DACH2: variants seen among roughly 807,000 people sequenced by gnomAD.
DACH2 encodes dachshund family transcription factor 2, also known as dachshund homolog 2.
Under a neutral mutation model 35.8 loss-of-function variants are expected in DACH2, and 17 were observed. The observed-to-expected ratio is 0.48, with a 90% CI of 0.33 to 0.71. The LOEUF (loss-of-function observed/expected upper bound fraction) is 0.71, where lower values mean the gene tolerates loss of function less well. Among genes scored for constraint, DACH2 ranks in the 30% least tolerant of loss-of-function variants. The probability of loss-of-function intolerance (pLI) is 0.02; values close to 1 mark genes in which losing one functional copy is unlikely to be tolerated. For synonymous variants in DACH2, 195 were observed against 177.3 expected, an observed-to-expected ratio of 1.10 and a Z score of -0.79; for missense variants, 469 against 472.7, an observed-to-expected ratio of 0.99 and a Z score of 0.07.
chrX:86,454,375 A>C (rs934117307), intron 2 of DACH2, among the ~76,000 whole-genome samples: 1 of 111,431 alleles, frequency 9.0e-6, no homozygotes, highest in African/African-American at 3.3e-5. Flanking sequence ...TATGTTTTCC[A>C]ATTTGCTTCC....
intron 7 of DACH2, among the ~76,000 whole-genome samples, chrX:86,772,865 G>A (rs2041999468): frequency 9.0e-6 from 1 of 110,618 alleles, no homozygotes; most frequent in Admixed American, 9.7e-5. Context: ...AGCCCCTTGA[G>A]GACAGTTTTT....
chrX:86,287,831 A>G (rs2147992917), intron 1 of DACH2, among the ~76,000 whole-genome samples: 1 of 112,158 alleles, frequency 8.9e-6, no homozygotes, highest in East Asian at 2.8e-4. Flanking sequence ...CAAAACAGCT[A>G]TTTTGAATTC....
chrX:86,802,604 C>A (rs1348682127), intron 7 of DACH2, among the ~76,000 whole-genome samples: 2 of 108,283 alleles, frequency 1.8e-5, no homozygotes, highest in Non-Finnish European at 3.8e-5. Context: ...CGCTTTGCAG[C>A]CTCTTCAGCC....
At chrX:86,612,253 C>T (rs1415320520) in intron 3 of DACH2, among the ~76,000 whole-genome samples, 1 of 106,532 alleles carries the variant, frequency 9.4e-6, no homozygotes, top group East Asian at 3.0e-4. Context: ...TTCCTTTTTA[C>T]TCTTCTCTCT....
intron 2 of DACH2, among the ~76,000 whole-genome samples, chrX:86,492,492 A>G (rs2038107182): frequency 8.9e-6 from 1 of 112,016 alleles, no homozygotes; most frequent in Non-Finnish European, 1.9e-5. Flanking sequence ...GTGCATGTGC[A>G]ATTTTGTTAC....
chrX:86,602,941 T>C (rs2039809456), intron 3 of DACH2, among the ~76,000 whole-genome samples: 1 of 111,447 alleles, frequency 9.0e-6, no homozygotes, highest in East Asian at 2.8e-4. Context: ...AAAATATTTA[T>C]AATTTTAGGT....
At position 86,236,211 on chromosome X, in the gene DACH2, G is replaced by A. The variant is rs1602311215; in HGVS notation, c.488+87103G>A. On this transcript the variant is annotated intron_variant, in intron 1 of 11. Transcript: ENST00000373125. ...CTATACAGCACCTATTAAGCTGTTT[G>A]ATAATGGTTTTGCTTGTTTGACTTT... Among the ~76,000 whole-genome samples the A allele has an allele frequency of 4.5e-5, 5 of 112,197 alleles. No individual in the cohort carries two copies. The Admixed American group carries it at 4.7e-4, about 11-fold the overall frequency.
intron 2 of DACH2, among the ~76,000 whole-genome samples, chrX:86,507,502 G>A (rs777929404): frequency 9.6e-6 from 1 of 103,856 alleles, no homozygotes; most frequent in South Asian, 4.3e-4. Context: ...GGCAGTTACA[G>A]CAAATTACAC....
chrX:86,573,684 T>G (rs1008383308), intron 3 of DACH2, among the ~76,000 whole-genome samples: 1 of 111,826 alleles, frequency 8.9e-6, no homozygotes, highest in Non-Finnish European at 1.9e-5. Context: ...AGAATAGCCG[T>G]GCTGCCAGAG....
intron 3 of DACH2, among the ~76,000 whole-genome samples, chrX:86,519,876 TG>T (rs2038527402): frequency 1.8e-5 from 2 of 111,065 alleles, no homozygotes; most frequent in Admixed American, 1.9e-4. Flanking sequence ...GAATTTTTGT[TG>T]TTGTTGTTGT....
intron 11 of DACH2, chrX:86,831,849 T>A: frequency 3.4e-6 from 1 of 294,256 alleles, no homozygotes; most frequent in Non-Finnish European, 5.9e-6. Flanking sequence ...ATATAGTTCA[T>A]GAAGAGCCTT....
At chrX:86,183,798 C>A (rs1451090043) in intron 1 of DACH2, among the ~76,000 whole-genome samples, 1 of 111,387 alleles carries the variant, frequency 9.0e-6, no homozygotes, top group Non-Finnish European at 1.9e-5. Flanking sequence ...GTGAATCCGT[C>A]CGGTCTTGGG....
chrX:86,536,288 C>T (rs1569432048), intron 3 of DACH2, among the ~76,000 whole-genome samples: 1 of 111,696 alleles, frequency 9.0e-6, no homozygotes, highest in Non-Finnish European at 1.9e-5. Flanking sequence ...AGCCCCTACT[C>T]GACCCAGGAA....
At chrX:86,166,338 G>T (rs988155829) in intron 1 of DACH2, among the ~76,000 whole-genome samples, 4 of 110,874 alleles carry the variant, frequency 3.6e-5, no homozygotes, top group African/African-American at 1.3e-4. Flanking sequence ...TTCCATATAA[G>T]TTTTAGAATT....
intron 1 of DACH2, among the ~76,000 whole-genome samples, chrX:86,162,143 C>T (rs1251494662): frequency 9.1e-6 from 1 of 109,811 alleles, no homozygotes; most frequent in Non-Finnish European, 1.9e-5. Context: ...TAAATAAAAT[C>T]CAAGAATTCC....
rs1375752298 is a variant in DACH2 at position 86,298,788 on chromosome X, C to T, written c.489-78036C>T. 3.6e-5 allele frequency among the ~76,000 whole-genome samples: 4 copies of T among 111,755 alleles called. No individual in the cohort carries two copies. In the East Asian group the frequency reaches 1.1e-3, roughly 31 times the overall value. On this transcript the variant is annotated intron_variant, in intron 1 of 11. Transcript: ENST00000373125. ...TCAGGTCCAACTTGTAAAATGATGG[C>T]AAAAATTATTTTAGCTTTGAGTTGC...
At chrX:86,664,422 G>A (rs1455192431) in intron 4 of DACH2, among the ~76,000 whole-genome samples, 3 of 111,167 alleles carry the variant, frequency 2.7e-5, no homozygotes, top group Non-Finnish European at 5.7e-5. Flanking sequence ...AAGGAATGAG[G>A]AAAAGCATCA....
intron 2 of DACH2, among the ~76,000 whole-genome samples, chrX:86,485,795 A>C (rs1229728156): frequency 2.7e-5 from 3 of 111,751 alleles, no homozygotes; most frequent in African/African-American, 9.7e-5. Context: ...GTTTTCTCTT[A>C]ATTTATTTTC....
At chrX:86,379,971 A>C (rs1014624019) in intron 2 of DACH2, among the ~76,000 whole-genome samples, 1 of 111,034 alleles carries the variant, frequency 9.0e-6, no homozygotes, top group African/African-American at 3.2e-5. Flanking sequence ...TCTAATAATT[A>C]AGGATCTTTA....
Sources: allele counts gnomAD v4.1 joint callset (sites outside exome capture counted in the v4.1 genomes callset), GRCh38; gene constraint gnomAD v4.1.1; transcripts MANE v1.5; gene names NCBI Gene and HGNC (gene_info 2026-07-23, HGNC 2026-07-21).